The following MTSS1 variants were observed in gnomAD, a reference collection of about 807,000 sequenced individuals.
MTSS1 encodes protein MTSS 1.
MTSS1 carries 18 observed loss-of-function variants against 79.0 expected under a neutral mutation model. The observed-to-expected ratio is 0.23, with a 90% confidence interval of 0.16 to 0.34. The LOEUF is 0.34. Among genes scored for constraint, MTSS1 ranks in the 10% least tolerant of loss-of-function variants. The pLI is 1.00. For synonymous variants in MTSS1, 341 were observed against 368.6 expected, an observed-to-expected ratio of 0.93 and a Z score of 0.86; for missense variants, 815 against 986.2, an observed-to-expected ratio of 0.83 and a Z score of 2.33.
At chr8:124,711,369 G>C (rs1831135531) in intron 1 of MTSS1, among the ~76,000 whole-genome samples, 1 of 152,164 alleles carries the variant, frequency 6.6e-6, no homozygotes, top group East Asian at 1.9e-4. Flanking sequence ...TGTTATTTTA[G>C]AGCTGAGGAA....
Position 124,727,538 on chromosome 8 carries a change from C to T in MTSS1, c.72+346G>A. On this transcript the variant is annotated intron_variant, in intron 1 of 13. Coordinates refer to ENST00000518547, the MANE Select transcript of MTSS1 (RefSeq NM_014751.6). The surrounding 1 kb of genome is among the most constrained non-coding windows in gnomAD (Gnocchi z 4.7). ...TCAGGTGTCCTCCCGGGCATCCAGC[C>T]CCCGCGGGTCCCAGACACTTACTTC... 2.1e-6 allele frequency: 1 copy of T among 482,438 alleles called. No homozygotes were observed. The highest frequency in any genetic ancestry group is 4.1e-6 in the Non-Finnish European group (1 of 244,710). The allele number at this position is 482,438 out of a possible 1,614,324, so 29.9% of individuals were successfully genotyped here. A position where few individuals can be genotyped will look rare whatever the true frequency, so the allele number is the denominator to read the frequency against.
At chr8:124,605,074 T>C (rs1834557272) in intron 3 of MTSS1, among the ~76,000 whole-genome samples, 1 of 152,164 alleles carries the variant, frequency 6.6e-6, no homozygotes, top group African/African-American at 2.4e-5. Flanking sequence ...ACAGGGAGGC[T>C]TCCCTGTCTA....
chr8:124,580,751 C>T (rs1586967839), intron 6 of MTSS1: 1 of 578,926 alleles, frequency 1.7e-6, no homozygotes, highest in East Asian at 3.0e-5. Context: ...CCTTCTCTGC[C>T]TTACTAATAT....
At chr8:124,601,812 C>T (rs1480649643) in intron 3 of MTSS1, among the ~76,000 whole-genome samples, 4 of 152,198 alleles carry the variant, frequency 2.6e-5, no homozygotes, top group Non-Finnish European at 4.4e-5. Flanking sequence ...CACACACGAG[C>T]GTCAGACTTG....
At chr8:124,575,976 C>A (rs1204895924) in intron 6 of MTSS1, among the ~76,000 whole-genome samples, 1 of 152,152 alleles carries the variant, frequency 6.6e-6, no homozygotes, top group Non-Finnish European at 1.5e-5. Context: ...TTGAATCCAC[C>A]TGTCTTCCTC....
intron 3 of MTSS1, among the ~76,000 whole-genome samples, chr8:124,656,781 CAAAAAAAAA>C (rs59332225): frequency 1.9e-5 from 1 of 51,666 alleles, no homozygotes; most frequent in African/African-American, 5.7e-5. Context: ...GACTCCATCT[CAAAAAAAAA>C]AAAAAAAAAG....
chr8:124,650,528 C>T (rs890243728), intron 3 of MTSS1, among the ~76,000 whole-genome samples: 3 of 152,038 alleles, frequency 2.0e-5, no homozygotes, highest in African/African-American at 7.3e-5. Flanking sequence ...CGTTTCCTCG[C>T]CCTTCTCTCC....
chr8:124,567,532 T>G, intron 7 of MTSS1: 1 of 1,160,556 alleles, frequency 8.6e-7, no homozygotes, highest in South Asian at 2.1e-5. Context: ...TTTTCTGAAG[T>G]TGCTTAGCTT....
intron 3 of MTSS1, among the ~76,000 whole-genome samples, chr8:124,661,740 T>C (rs1822071767): frequency 6.6e-6 from 1 of 152,168 alleles, no homozygotes; most frequent in African/African-American, 2.4e-5. Context: ...CAATCAGCAC[T>C]GTCCCATAAA....
intron 3 of MTSS1, among the ~76,000 whole-genome samples, chr8:124,698,354 C>A (rs900846748): frequency 2.0e-4 from 30 of 152,036 alleles, no homozygotes; most frequent in African/African-American, 6.8e-4. Context: ...AAAGAACAGG[C>A]CTATAGCTGC....
At chr8:124,589,733 A>G (rs1427639950) in intron 4 of MTSS1, 22 bp from the exon 5 acceptor site, 2 of 1,508,270 alleles carry the variant, frequency 1.3e-6, no homozygotes, top group Admixed American at 1.7e-5. Context: ...CGGGGGGGAA[A>G]AAGGGAGAAA....
Position 124,678,348 on chromosome 8 carries a change from G to T in MTSS1, c.208+21178C>A, listed in dbSNP as rs199884231. Among the ~76,000 whole-genome samples the T allele has an allele frequency of 8.5e-5, 13 of 152,226 alleles. No homozygotes were observed. The East Asian group carries it at 2.5e-3, about 29-fold the overall frequency. On this transcript the variant is annotated intron_variant, in intron 3 of 13. Coordinates refer to ENST00000518547, the MANE Select transcript of MTSS1 (RefSeq NM_014751.6). ...GACCTAAAAACATCCTTCTCAAATA[G>T]CCCCACCACTTGAGTGCAGGGTCTG...
At chr8:124,603,004 G>A (rs1376626980) in intron 3 of MTSS1, among the ~76,000 whole-genome samples, 1 of 152,192 alleles carries the variant, frequency 6.6e-6, no homozygotes, top group Non-Finnish European at 1.5e-5. Context: ...CAAACCAGCA[G>A]TTCCTTGCTG....
intron 3 of MTSS1, among the ~76,000 whole-genome samples, chr8:124,695,933 C>G (rs957985485): frequency 1.3e-5 from 2 of 151,630 alleles, no homozygotes; most frequent in Non-Finnish European, 2.9e-5. Context: ...GACACTAAAC[C>G]CAATTCCCGG....
chr8:124,712,695 C>A (rs1233502078), intron 1 of MTSS1, among the ~76,000 whole-genome samples: 1 of 152,158 alleles, frequency 6.6e-6, no homozygotes, highest in Non-Finnish European at 1.5e-5. Context: ...GTCCATCAAG[C>A]GGATGACAGC....
chr8:124,667,721 G>A (rs894943767), intron 3 of MTSS1, among the ~76,000 whole-genome samples: 1 of 152,010 alleles, frequency 6.6e-6, no homozygotes, highest in East Asian at 1.9e-4. Context: ...GAGGAAACTG[G>A]GACTTAAAAA....
intron 11 of MTSS1, among the ~76,000 whole-genome samples, chr8:124,557,413 A>G (rs372376713): frequency 1.3e-5 from 2 of 152,198 alleles, no homozygotes; most frequent in Non-Finnish European, 2.9e-5. Flanking sequence ...TGCGGTGCAC[A>G]CTGCACTGCC....
chr8:124,719,050 C>A (rs748940817), intron 1 of MTSS1, among the ~76,000 whole-genome samples: 1 of 152,160 alleles, frequency 6.6e-6, no homozygotes, highest in Non-Finnish European at 1.5e-5. Context: ...ATGAAATACA[C>A]CTGTTACAGA....
At chr8:124,580,428 A>C in intron 6 of MTSS1, 4 of 1,010,526 alleles carry the variant, frequency 4.0e-6, no homozygotes, top group East Asian at 2.6e-5. Context: ...AGGTAGGCAC[A>C]GTTGATTGTT....
Sources: gnomAD v4.1 joint callset for allele counts (sites outside exome capture counted in the v4.1 genomes callset) on GRCh38, gnomAD v4.1.1 for gene constraint, Gnocchi (gnomAD v3.1) non-coding constraint, MANE v1.5 for transcripts, NCBI Gene and HGNC (gene_info 2026-07-23, HGNC 2026-07-21) for gene names.